Variants in FRMD4A observed in about 807,000 individuals in gnomAD.
The protein encoded by FRMD4A is FERM domain-containing protein 4A.
FRMD4A carries 29 observed loss-of-function variants against 129.1 expected under a neutral mutation model. The ratio of observed to expected loss-of-function variants is 0.22; its 90% CI spans 0.17 to 0.31. The LOEUF is 0.31. Among genes scored for constraint, FRMD4A ranks in the 10% least tolerant of loss-of-function variants. The pLI is 1.00. For missense variants in FRMD4A, 1,272 were observed against 1,375.8 expected (o/e 0.92, Z 1.19); for synonymous variants, 634 against 571.6 (o/e 1.11, Z -1.56).
chr10:13,902,168 C>A (rs1291684114), intron 2 of FRMD4A, among the ~76,000 whole-genome samples: 2 of 152,084 alleles, frequency 1.3e-5, no homozygotes, highest in Non-Finnish European at 2.9e-5. Flanking sequence ...AGGCATGTAC[C>A]ACTATACCTG....
At chr10:14,077,725 T>C (rs2131727280) in intron 2 of FRMD4A, among the ~76,000 whole-genome samples, 2 of 152,344 alleles carry the variant, frequency 1.3e-5, no homozygotes, top group Admixed American at 1.3e-4. Flanking sequence ...CATTAAGTTT[T>C]AGAAGGAAAT....
Position 13,684,571 on chromosome 10 carries a change from G to C in FRMD4A, c.1117+9327C>G, listed in dbSNP as rs890367438. 3.0e-6 allele frequency: 3 copies of C among 985,360 alleles called. No individual in the cohort carries two copies. The African/African-American group carries it at 5.2e-5, about 17-fold the overall frequency. 61.0% of individuals were successfully genotyped at this position (985,360 alleles called of 1,614,324 possible). ...ACACATGGAAGGACAGCCTCTTTCAGCCTCATTCAGCCGCGAGCCAGAAAT... is the reference window on the plus strand; with the variant it reads ...ACACATGGAAGGACAGCCTCTTTCACCCTCATTCAGCCGCGAGCCAGAAAT... On this transcript the variant is annotated intron_variant, in intron 15 of 24. Transcript: ENST00000357447.
In FRMD4A at chr10:14,219,355, A is replaced by T. The variant is rs931449811; in HGVS notation, c.45+110703T>A. On this transcript the variant is annotated intron_variant, in intron 2 of 24. Coordinates refer to ENST00000357447, the MANE Select transcript of FRMD4A (RefSeq NM_018027.5). ...TAAGGACCTAGGTATCCTGGAACCT[A>T]TGTCAGGACTGACAAGTGAAATTAG... 2.0e-5 allele frequency among the ~76,000 whole-genome samples: 3 copies of T among 152,310 alleles called. No homozygotes were observed. In the East Asian group the frequency reaches 5.8e-4, roughly 29 times the overall value.
chr10:14,322,710 C>A (rs936195524), intron 2 of FRMD4A, among the ~76,000 whole-genome samples: 10 of 152,188 alleles, frequency 6.6e-5, no homozygotes, highest in African/African-American at 2.4e-4. Flanking sequence ...TCACTCTCCC[C>A]ACTTGATACG....
intron 6 of FRMD4A, among the ~76,000 whole-genome samples, chr10:13,765,689 A>T (rs1450499088): frequency 6.6e-6 from 1 of 152,196 alleles, no homozygotes; most frequent in Non-Finnish European, 1.5e-5. Context: ...TGGAATTGAT[A>T]GAGGCTGTCG....
chr10:14,171,431 C>G (rs1323795951), intron 2 of FRMD4A, among the ~76,000 whole-genome samples: 1 of 152,224 alleles, frequency 6.6e-6, no homozygotes, highest in Non-Finnish European at 1.5e-5. Flanking sequence ...GGCTGTGTAT[C>G]ACTGACAATG....
chr10:14,053,474 G>A (rs1156642690), intron 2 of FRMD4A, among the ~76,000 whole-genome samples: 2 of 152,114 alleles, frequency 1.3e-5, no homozygotes, highest in South Asian at 2.1e-4. Flanking sequence ...TACCCCCAGT[G>A]GAAGCTGGAA....
Position 14,307,433 on chromosome 10 carries a change from T to A in FRMD4A, c.45+22625A>T, listed in dbSNP as rs75566785. On this transcript the variant is annotated intron_variant, in intron 2 of 24. Transcript: ENST00000357447. ...TGGCTTGAGGTTGTCATTAGTGACA[T>A]TCACACCACATGTTTGAAATCTATC... Among the ~76,000 whole-genome samples, 59 of 152,354 alleles carry A rather than the reference T, an allele frequency of 3.9e-4. No homozygotes were observed. The East Asian group carries it at 0.011, about 28-fold the overall frequency.
intron 2 of FRMD4A, chr10:14,008,104 G>T: frequency 7.7e-7 from 1 of 1,302,788 alleles, no homozygotes; most frequent in Non-Finnish European, 1.0e-6. Flanking sequence ...GGAATTTTCA[G>T]TAAAAGTCTT....
At chr10:14,119,938 C>T (rs1028516768) in intron 2 of FRMD4A, among the ~76,000 whole-genome samples, 1 of 151,496 alleles carries the variant, frequency 6.6e-6, no homozygotes, top group Non-Finnish European at 1.5e-5. Context: ...GCAGCTTGCA[C>T]CTTGATTCTT....
chr10:13,706,921 C>A, intron 13 of FRMD4A, 116 bp downstream of exon 13: 1 of 634,146 alleles, frequency 1.6e-6, no homozygotes. Context: ...CAGGAGCCCC[C>A]ACCCTCGCTC....
rs114711623 is a variant in FRMD4A at position 14,269,703 on chromosome 10, C to A, written c.45+60355G>T. ...CTCTCCACATCTCAAAGCCCTTAAGCTTAATCCCTTTTGTGAGGTCCCTAT... is the reference window on the plus strand; with the variant it reads ...CTCTCCACATCTCAAAGCCCTTAAGATTAATCCCTTTTGTGAGGTCCCTAT... On this transcript the variant is annotated intron_variant, in intron 2 of 24. Coordinates refer to ENST00000357447, the MANE Select transcript of FRMD4A (RefSeq NM_018027.5). 3.4e-3 allele frequency among the ~76,000 whole-genome samples: 522 copies of A among 152,334 alleles called. 4 individuals carry two copies. The highest frequency in any genetic ancestry group is 0.012 in the African/African-American group (494 of 41,578).
At chr10:13,817,521 A>G (rs2093563910) in intron 3 of FRMD4A, among the ~76,000 whole-genome samples, 1 of 152,210 alleles carries the variant, frequency 6.6e-6, no homozygotes, top group South Asian at 2.1e-4. Context: ...GAATTGTAAT[A>G]ATCCCCAGGT....
rs1845685073 is a variant in FRMD4A at position 14,286,489 on chromosome 10, A to G, written c.45+43569T>C. 2.6e-5 allele frequency among the ~76,000 whole-genome samples: 4 copies of G among 152,146 alleles called. No individual in the cohort carries two copies. The South Asian group carries it at 8.3e-4, about 31-fold the overall frequency. The stretch of plus-strand genomic sequence containing the variant: ...TTTCTTAAGTAGTGGCTTGAGAAAC[A>G]ATGTGCCAGGAAAATCAAAATTTTT... On this transcript the variant is annotated intron_variant, in intron 2 of 24. Coordinates refer to ENST00000357447, the MANE Select transcript of FRMD4A (RefSeq NM_018027.5).
At chr10:14,164,058 G>T (rs1841043070) in intron 2 of FRMD4A, among the ~76,000 whole-genome samples, 1 of 152,210 alleles carries the variant, frequency 6.6e-6, no homozygotes, top group Non-Finnish European at 1.5e-5. Context: ...TCCCACAGAG[G>T]CTTCCTAATG....
At chr10:14,026,313 A>G (rs895048749) in intron 2 of FRMD4A, among the ~76,000 whole-genome samples, 1 of 152,220 alleles carries the variant, frequency 6.6e-6, no homozygotes, top group East Asian at 1.9e-4. Flanking sequence ...TCAACATTTC[A>G]CACTTAAACA....
intron 2 of FRMD4A, among the ~76,000 whole-genome samples, chr10:14,227,305 G>A (rs1843478413): frequency 7.5e-6 from 1 of 132,540 alleles, no homozygotes; most frequent in African/African-American, 2.8e-5. Context: ...AGGCTGGAGT[G>A]CAGTGGCACA....
intron 3 of FRMD4A, among the ~76,000 whole-genome samples, chr10:13,847,483 G>C (rs1233188764): frequency 6.6e-6 from 1 of 152,116 alleles, no homozygotes; most frequent in Non-Finnish European, 1.5e-5. Context: ...TCCTCTCTCA[G>C]GGGAGGGGCT....
intron 2 of FRMD4A, among the ~76,000 whole-genome samples, chr10:13,868,292 A>G (rs954912553): frequency 1.3e-5 from 2 of 152,088 alleles, no homozygotes; most frequent in African/African-American, 2.4e-5. Flanking sequence ...TATGATTTTT[A>G]TGATAACTTT....
Sources: allele counts gnomAD v4.1 joint callset (sites outside exome capture counted in the v4.1 genomes callset), GRCh38; gene constraint gnomAD v4.1.1; transcripts MANE v1.5; gene names NCBI Gene and HGNC (gene_info 2026-07-23, HGNC 2026-07-21).